Variants in CSMD1 observed in about 807,000 individuals in gnomAD.
The protein encoded by CSMD1 is CUB and Sushi multiple domains 1.
CSMD1 carries 213 observed loss-of-function variants against 417.5 expected under a neutral mutation model. The ratio of observed to expected loss-of-function variants is 0.51; its 90% CI spans 0.46 to 0.57. CSMD1 has a LOEUF of 0.57. CSMD1 is among the 20% of genes least tolerant of loss of function. The pLI, the probability that CSMD1 is intolerant of heterozygous loss-of-function variation, is 0.00. For synonymous variants in CSMD1, 2,862 were observed against 1,736.8 expected, an observed-to-expected ratio of 1.65 and a Z score of -16.11; for missense variants, 6,923 against 4,529.7, an observed-to-expected ratio of 1.53 and a Z score of -15.17.
intron 7 of CSMD1, among the ~76,000 whole-genome samples, chr8:3,698,250 A>T (rs2129035839): frequency 6.6e-6 from 1 of 152,316 alleles, no homozygotes; most frequent in East Asian, 1.9e-4. Flanking sequence ...GTGGAAGCAT[A>T]ATTTACTTAC....
chr8:3,683,101 A>G (rs1258089358), intron 7 of CSMD1, among the ~76,000 whole-genome samples: 12 of 152,166 alleles, frequency 7.9e-5, no homozygotes, highest in Non-Finnish European at 1.8e-4. Flanking sequence ...ATGCTAAATG[A>G]CAAGCTAATG....
intron 26 of CSMD1, among the ~76,000 whole-genome samples, chr8:3,232,487 T>A (rs1798900183): frequency 6.6e-6 from 1 of 152,180 alleles, no homozygotes; most frequent in Non-Finnish European, 1.5e-5. Flanking sequence ...TCCATCCTCT[T>A]CTTGATGGAT....
intron 3 of CSMD1, among the ~76,000 whole-genome samples, chr8:4,099,724 T>G (rs1801209100): frequency 6.6e-6 from 1 of 152,158 alleles, no homozygotes; most frequent in Non-Finnish European, 1.5e-5. Context: ...CTTTACTTGC[T>G]TTCTCCCCTC....
chr8:4,273,750 G>A (rs1804748705), intron 3 of CSMD1, among the ~76,000 whole-genome samples: 1 of 152,164 alleles, frequency 6.6e-6, no homozygotes, highest in Non-Finnish European at 1.5e-5. Flanking sequence ...AACACTGACA[G>A]CTCAGCAAGA....
chr8:4,011,782 T>G (rs1380644515), intron 4 of CSMD1, among the ~76,000 whole-genome samples: 1 of 152,176 alleles, frequency 6.6e-6, no homozygotes, highest in Non-Finnish European at 1.5e-5. Flanking sequence ...AAGTGTAGTA[T>G]AATATTAAAA....
intron 5 of CSMD1, among the ~76,000 whole-genome samples, chr8:3,822,968 T>C (rs1237083777): frequency 1.3e-5 from 2 of 152,158 alleles, no homozygotes; most frequent in Non-Finnish European, 2.9e-5. Flanking sequence ...AATCAACTTT[T>C]TTAGTATATT....
At chr8:3,895,616 G>C (rs918512431) in intron 5 of CSMD1, among the ~76,000 whole-genome samples, 19 of 152,094 alleles carry the variant, frequency 1.2e-4, no homozygotes, top group African/African-American at 4.6e-4. Context: ...ATTTAGTAAA[G>C]TCTCAAAAAG....
intron 3 of CSMD1, among the ~76,000 whole-genome samples, chr8:4,223,391 G>T (rs1714733): frequency 6.6e-6 from 1 of 152,394 alleles, no homozygotes; most frequent in South Asian, 2.1e-4. Flanking sequence ...TTCAGCTGCC[G>T]CCAAGGTAAG....
intron 26 of CSMD1, among the ~76,000 whole-genome samples, chr8:3,279,946 T>G (rs1802602464): frequency 6.6e-6 from 1 of 152,056 alleles, no homozygotes; most frequent in Non-Finnish European, 1.5e-5. Context: ...GAGATTTGGG[T>G]GGGGACGTAG....
chr8:4,649,808 G>C (rs540890266), intron 1 of CSMD1, among the ~76,000 whole-genome samples: 1 of 152,164 alleles, frequency 6.6e-6, no homozygotes, highest in Admixed American at 6.5e-5. Flanking sequence ...TATTTCATAA[G>C]TAACTATTCT....
At position 4,383,563 on chromosome 8, in the gene CSMD1, T is replaced by G. The variant is rs556223286; in HGVS notation, c.415+36390A>C. 1.6e-3 allele frequency among the ~76,000 whole-genome samples: 250 copies of G among 152,200 alleles called. 1 individual carries two copies. Among genetic ancestry groups the G allele is most frequent in the Non-Finnish European group, 7.8e-4 (53 of 68,012 alleles). ...GTGGTACCAGAAGCATTTATAAACC[T>G]CAAATCTGATTACAGGGCCCTGAAA... On this transcript the variant is annotated intron_variant, in intron 3 of 69. Coordinates refer to ENST00000635120, the MANE Select transcript of CSMD1 (RefSeq NM_033225.6).
chr8:3,734,136 A>G (rs1007810740), intron 6 of CSMD1, among the ~76,000 whole-genome samples: 2 of 152,214 alleles, frequency 1.3e-5, no homozygotes, highest in Non-Finnish European at 2.9e-5. Context: ...AAGATATTTA[A>G]TTATTTAAGG....
At chr8:3,914,822 T>C (rs574513718) in intron 5 of CSMD1, among the ~76,000 whole-genome samples, 1 of 152,140 alleles carries the variant, frequency 6.6e-6, no homozygotes, top group Non-Finnish European at 1.5e-5. Flanking sequence ...CTCTACTGAG[T>C]GTCCTTATGC....
intron 3 of CSMD1, among the ~76,000 whole-genome samples, chr8:4,040,326 T>G (rs1585186667): frequency 6.6e-6 from 1 of 152,170 alleles, no homozygotes; most frequent in South Asian, 2.1e-4. Context: ...ATATATTGAG[T>G]ATGTATCAGT....
chr8:4,186,067 G>T (rs148074032), intron 3 of CSMD1, among the ~76,000 whole-genome samples: 25 of 152,230 alleles, frequency 1.6e-4, no homozygotes, highest in African/African-American at 5.8e-4. Context: ...TGCACGTGTG[G>T]AAGACGCAGC....
At chr8:4,064,212 T>C (rs990677699) in intron 3 of CSMD1, among the ~76,000 whole-genome samples, 2 of 152,204 alleles carry the variant, frequency 1.3e-5, no homozygotes, top group African/African-American at 4.8e-5. Context: ...TGGCTCAGAT[T>C]TGTTTCTGCA....
intron 23 of CSMD1, among the ~76,000 whole-genome samples, chr8:3,337,349 G>C (rs181663123): frequency 6.6e-6 from 1 of 152,208 alleles, no homozygotes; most frequent in Non-Finnish European, 1.5e-5. Flanking sequence ...TATTTATGAA[G>C]CATCCCTTAG....
rs1801387121 is a variant in CSMD1, at chr8:2,935,442, A to T, written c.*3143T>A. 1 of 152,102 alleles carries T rather than the reference A, an allele frequency of 6.6e-6. No homozygotes were observed. The highest frequency in any genetic ancestry group is 2.4e-5 in the African/African-American group (1 of 41,402). 9.4% of individuals were successfully genotyped at this position (152,102 alleles called of 1,614,324 possible). A position where few individuals can be genotyped will look rare whatever the true frequency, so the allele number is the denominator to read the frequency against. On this transcript the variant is annotated 3_prime_UTR_variant, in exon 70 of 70. Coordinates refer to ENST00000635120, the MANE Select transcript of CSMD1 (RefSeq NM_033225.6). The stretch of plus-strand genomic sequence containing the variant: ...CAGGCTATATTACACCCTCTTTATA[A>T]TTTTTTTGACAAAAAAAAGATACTG...
intron 49 of CSMD1, among the ~76,000 whole-genome samples, chr8:3,053,380 T>C (rs1812000714): frequency 1.3e-5 from 2 of 151,516 alleles, no homozygotes; most frequent in African/African-American, 2.4e-5. Flanking sequence ...GTAGACTCTT[T>C]GGTGTCGAAA....
Sources: gnomAD v4.1 joint callset for allele counts (sites outside exome capture counted in the v4.1 genomes callset) on GRCh38, gnomAD v4.1.1 for gene constraint, MANE v1.5 for transcripts, NCBI Gene and HGNC (gene_info 2026-07-23, HGNC 2026-07-21) for gene names.